The following SLIT2 variants were observed in gnomAD, a reference collection of about 807,000 sequenced individuals.
The protein encoded by SLIT2 is slit homolog 2 protein.
A neutral mutation model predicts 185.7 loss-of-function variants in SLIT2; 41 were observed. That is an observed-to-expected ratio of 0.22 (90% confidence interval 0.17 to 0.29). SLIT2 has a LOEUF of 0.29. SLIT2 is among the 10% of genes least tolerant of loss of function. The pLI is 1.00. For synonymous variants in SLIT2, 693 were observed against 680.2 expected (o/e 1.02, Z -0.29); for missense variants, 1,571 against 1,909.0 (o/e 0.82, Z 3.30).
At chr4:20,475,121 CCTT>C (rs1715951691) in intron 5 of SLIT2, among the ~76,000 whole-genome samples, 1 of 152,104 alleles carries the variant, frequency 6.6e-6, no homozygotes, top group Non-Finnish European at 1.5e-5. Context: ...GCTCCTAGCT[CCTT>C]CTTCCCTTCA....
intron 4 of SLIT2, among the ~76,000 whole-genome samples, chr4:20,385,004 G>A (rs1198004237): frequency 6.6e-6 from 1 of 152,078 alleles, no homozygotes; most frequent in Non-Finnish European, 1.5e-5. Context: ...TCATTCTGCT[G>A]GTCTGTCTGC....
chr4:20,579,788 G>A (rs1170600673), intron 29 of SLIT2, among the ~76,000 whole-genome samples: 1 of 151,426 alleles, frequency 6.6e-6, no homozygotes, highest in African/African-American at 2.4e-5. Context: ...AACATTTATT[G>A]TTAACTCTCA....
chr4:20,259,106 T>C (rs1290121195), intron 3 of SLIT2, among the ~76,000 whole-genome samples: 2 of 151,728 alleles, frequency 1.3e-5, no homozygotes, highest in East Asian at 3.8e-4. Context: ...AGGACTATAA[T>C]TGTGGAATTC....
chr4:20,490,915 C>T (rs1027133428), intron 8 of SLIT2: 19 of 875,918 alleles, frequency 2.2e-5, no homozygotes, highest in East Asian at 2.7e-5. Context: ...CTTCCTGGCA[C>T]GTCACCACCA....
intron 4 of SLIT2, among the ~76,000 whole-genome samples, chr4:20,345,695 C>A (rs1405788439): frequency 3.2e-4 from 6 of 18,550 alleles, no homozygotes; most frequent in Admixed American, 1.8e-3. Context: ...ACCACCATGC[C>A]CGGCTAATTT....
chr4:20,509,515 C>G (rs926273370), intron 9 of SLIT2, among the ~76,000 whole-genome samples: 14 of 152,102 alleles, frequency 9.2e-5, no homozygotes, highest in Admixed American at 7.9e-4. Flanking sequence ...CACCACCCTC[C>G]CAGTGTCTGT....
intron 4 of SLIT2, among the ~76,000 whole-genome samples, chr4:20,409,538 G>T (rs1235366127): frequency 3.9e-5 from 6 of 152,136 alleles, no homozygotes; most frequent in Non-Finnish European, 8.8e-5. Context: ...ATATACATGT[G>T]CATGTATCTT....
At chr4:20,538,565 A>G (rs1485243266) in intron 18 of SLIT2, among the ~76,000 whole-genome samples, 1 of 152,190 alleles carries the variant, frequency 6.6e-6, no homozygotes, top group Non-Finnish European at 1.5e-5. Flanking sequence ...ACTTATGTTT[A>G]GAAAAATTAA....
chr4:20,547,134 A>G (rs1040250056), intron 22 of SLIT2, among the ~76,000 whole-genome samples: 9 of 152,160 alleles, frequency 5.9e-5, no homozygotes, highest in Admixed American at 5.9e-4. Context: ...CTTTATAGAA[A>G]GTAAATAGGA....
intron 4 of SLIT2, 107 bp from the exon 5 acceptor site, chr4:20,467,645 G>A: frequency 1.7e-6 from 1 of 590,658 alleles, no homozygotes; most frequent in East Asian, 3.2e-5. Flanking sequence ...TCCTTTTAGG[G>A]TTTTCTTTTT....
intron 36 of SLIT2, among the ~76,000 whole-genome samples, chr4:20,617,958 A>G (rs969227593): frequency 2.0e-5 from 3 of 152,156 alleles, no homozygotes; most frequent in African/African-American, 7.2e-5. Context: ...TTTTTACCTG[A>G]TGGAGAAGCA....
intron 3 of SLIT2, among the ~76,000 whole-genome samples, chr4:20,268,428 T>C (rs141931315): frequency 7.2e-5 from 11 of 151,910 alleles, no homozygotes; most frequent in Non-Finnish European, 1.0e-4. Flanking sequence ...TTTAGGCCAA[T>C]TGGGACTGTG....
chr4:20,484,491 T>A lies in SLIT2; in HGVS notation c.540-1709T>A, dbSNP rs1266210481. Among the ~76,000 whole-genome samples the A allele has an allele frequency of 3.9e-5, 6 of 152,144 alleles. No homozygotes were observed. Among genetic ancestry groups the A allele is most frequent in the Non-Finnish European group, 7.4e-5 (5 of 67,992 alleles). ...TTCAAATGACTTAGAATAGTTCTTA[T>A]ATAATTCAATACATTGCAAAACAAG... On this transcript the variant is annotated intron_variant, in intron 6 of 36. Coordinates refer to ENST00000504154, the MANE Select transcript of SLIT2 (RefSeq NM_004787.4). This position sits in a 1 kb window ranked among gnomAD's most constrained non-coding sequence, Gnocchi z 4.3.
At chr4:20,550,715 T>G in intron 24 of SLIT2, 112 bp from the exon 25 acceptor site, 1 of 548,574 alleles carries the variant, frequency 1.8e-6, no homozygotes. Context: ...TTATAGACCG[T>G]CTTTTCTGCA....
rs1262645316 is a variant in SLIT2, at chr4:20,619,684, C to A, written c.*675C>A. ...AAATGATAAAGGAGATGATAAAGAACCAATAGATTATTGATAAATAAATTA... is the reference window on the plus strand; with the variant it reads ...AAATGATAAAGGAGATGATAAAGAAACAATAGATTATTGATAAATAAATTA... On this transcript the variant is annotated 3_prime_UTR_variant, in exon 37 of 37. Transcript: ENST00000504154. 1.3e-5 allele frequency: 2 copies of A among 151,820 alleles called. No homozygotes were observed. The highest frequency in any genetic ancestry group is 2.9e-5 in the Non-Finnish European group (2 of 67,982). The allele number at this position is 151,820 out of a possible 1,614,324, so 9.4% of individuals were successfully genotyped here. A position where few individuals can be genotyped will look rare whatever the true frequency, so the allele number is the denominator to read the frequency against.
At chr4:20,532,322 G>A (rs1721883436) in intron 17 of SLIT2, among the ~76,000 whole-genome samples, 1 of 152,086 alleles carries the variant, frequency 6.6e-6, no homozygotes, top group South Asian at 2.1e-4. Context: ...CAGGAATCCA[G>A]CAATCTAAGC....
At chr4:20,463,166 C>G (rs1371445268) in intron 4 of SLIT2, among the ~76,000 whole-genome samples, 1 of 151,904 alleles carries the variant, frequency 6.6e-6, no homozygotes, top group Admixed American at 6.6e-5. Flanking sequence ...ATAATCTGGC[C>G]CTGAAGTCAG....
rs780505182 is a variant in SLIT2 at position 20,298,082 on chromosome 4, GT to G, written c.395+29217del. The stretch of plus-strand genomic sequence containing the variant: ...GCATAGTAATCGGTATCTTCTGTTA[GT>G]TTTTTTTTTTTTTTTCCTTTTTGAG... On this transcript the variant is annotated intron_variant, in intron 4 of 36. Transcript: ENST00000504154. 6.0e-3 allele frequency among the ~76,000 whole-genome samples: 821 copies of G among 137,114 alleles called. 6 individuals carry two copies. Among genetic ancestry groups the G allele is most frequent in the Middle Eastern group, 0.03 (8 of 268 alleles). 90.0% of individuals were successfully genotyped at this position (137,114 alleles called of 152,430 possible).
chr4:20,296,978 A>C (rs892762340), intron 4 of SLIT2, among the ~76,000 whole-genome samples: 3 of 152,350 alleles, frequency 2.0e-5, no homozygotes, highest in South Asian at 2.1e-4. Flanking sequence ...GTTATGCGCA[A>C]TCGGAAGCTC....
Sources: gnomAD v4.1 joint callset for allele counts (sites outside exome capture counted in the v4.1 genomes callset) on GRCh38, gnomAD v4.1.1 for gene constraint, Gnocchi (gnomAD v3.1) non-coding constraint, MANE v1.5 for transcripts, NCBI Gene and HGNC (gene_info 2026-07-23, HGNC 2026-07-21) for gene names.